HPSE2: variants seen among roughly 807,000 people sequenced by gnomAD.
HPSE2 encodes heparanase 2 (inactive), also known as inactive heparanase-2.
In HPSE2, 38 loss-of-function variants were observed where a neutral mutation model predicts 60.5. The observed-to-expected ratio is 0.63, with a 90% CI of 0.48 to 0.82. The LOEUF is 0.82. Among genes scored for constraint, HPSE2 ranks in the 40% least tolerant of loss-of-function variants. The pLI is 0.00. For missense variants in HPSE2, 713 were observed against 740.4 expected (o/e 0.96, Z 0.43); for synonymous variants, 295 against 293.2 (o/e 1.01, Z -0.06).
chr10:99,002,671 G>A (rs937360971), intron 3 of HPSE2, among the ~76,000 whole-genome samples: 1 of 151,952 alleles, frequency 6.6e-6, no homozygotes, highest in African/African-American at 2.4e-5. Flanking sequence ...ATGAGATCCT[G>A]AACAGAAAAT....
rs745736552 is a variant in HPSE2 at position 98,626,117 on chromosome 10, AGAAAAAG to A, written c.1099-5416_1099-5410del. 9.8e-4 allele frequency among the ~76,000 whole-genome samples: 143 copies of A among 145,780 alleles called. 9 individuals are homozygous for A. The highest frequency in any genetic ancestry group is 2.1e-3 in the African/African-American group (80 of 38,902). ...CGAGACTCCGTCTCAAAAAAAAAAA[AGAAAAAG>A]AAAAAAGAAAAAAGATGAATAAAAA... On this transcript the variant is annotated intron_variant, in intron 7 of 11. Coordinates refer to ENST00000370552, the MANE Select transcript of HPSE2 (RefSeq NM_021828.5).
chr10:98,641,607 A>C (rs1946638779), intron 7 of HPSE2, among the ~76,000 whole-genome samples: 1 of 152,160 alleles, frequency 6.6e-6, no homozygotes, highest in African/African-American at 2.4e-5. Flanking sequence ...TAATTAAAAA[A>C]AAAATAGAGA....
intron 4 of HPSE2, among the ~76,000 whole-genome samples, chr10:98,724,308 G>A (rs1179985680): frequency 6.6e-6 from 1 of 152,120 alleles, no homozygotes; most frequent in Non-Finnish European, 1.5e-5. Context: ...GTTCTAGTTT[G>A]ATTGCACTGT....
chr10:98,945,207 A>G (rs1471834890), intron 3 of HPSE2, among the ~76,000 whole-genome samples: 1 of 152,172 alleles, frequency 6.6e-6, no homozygotes, highest in Non-Finnish European at 1.5e-5. Flanking sequence ...ATTTCTTCTT[A>G]GTGAACCTAA....
intron 3 of HPSE2, among the ~76,000 whole-genome samples, chr10:98,751,035 C>A (rs1367235800): frequency 6.6e-6 from 1 of 152,084 alleles, no homozygotes; most frequent in African/African-American, 2.4e-5. Flanking sequence ...GCTCTTCCCC[C>A]TCCTCCCCTT....
chr10:98,510,632 G>C (rs1317887323), intron 9 of HPSE2, among the ~76,000 whole-genome samples: 6 of 152,178 alleles, frequency 3.9e-5, no homozygotes, highest in African/African-American at 1.4e-4. Context: ...CTGCGTTGTG[G>C]CCCTGGACTC....
chr10:98,733,393 A>T lies in HPSE2; in HGVS notation c.784+10490T>A, dbSNP rs549793655. On this transcript the variant is annotated intron_variant, in intron 4 of 11. Transcript: ENST00000370552. ...CACCTTGGCCTCTCAAAGTGCTGGG[A>T]TTACAGGCATTAGCCACCATGACTG... 4.6e-5 allele frequency among the ~76,000 whole-genome samples: 7 copies of T among 152,276 alleles called. No individual in the cohort carries two copies. In the South Asian group the frequency reaches 1.2e-3, roughly 27 times the overall value.
intron 6 of HPSE2, among the ~76,000 whole-genome samples, chr10:98,675,284 T>C (rs905515831): frequency 6.6e-6 from 1 of 152,162 alleles, no homozygotes; most frequent in African/African-American, 2.4e-5. Flanking sequence ...CACTCTATTT[T>C]ACAAATGTAA....
the HPSE2 span, among the ~76,000 whole-genome samples, chr10:99,276,354 T>C: frequency 1.3e-5 from 2 of 152,136 alleles, no homozygotes; most frequent in African/African-American, 2.4e-5. Context: ...GAAAACTCTA[T>C]AGAAAAGTAA....
At chr10:99,169,886 C>T (rs1589767010) in intron 2 of HPSE2, among the ~76,000 whole-genome samples, 1 of 152,158 alleles carries the variant, frequency 6.6e-6, no homozygotes, top group South Asian at 2.1e-4. Context: ...CTACTCAACT[C>T]TGTGGCTGGG....
chr10:98,926,426 C>A (rs1340929999), intron 3 of HPSE2, among the ~76,000 whole-genome samples: 1 of 152,096 alleles, frequency 6.6e-6, no homozygotes, highest in Admixed American at 6.5e-5. Flanking sequence ...TAGGATTACC[C>A]ACTCTTGGAA....
At chr10:98,839,404 T>A (rs2134685091) in intron 3 of HPSE2, among the ~76,000 whole-genome samples, 1 of 152,314 alleles carries the variant, frequency 6.6e-6, no homozygotes, top group Non-Finnish European at 1.5e-5. Context: ...GAAAGGTGAA[T>A]AATACTTTTG....
chr10:98,457,787 G>C lies in HPSE2; in HGVS notation c.*1787C>G, dbSNP rs549827625. ...GGGAGGTGCCTGGTCCCAGAGAAAC[G>C]GGTCCCTTCTGGGCAGCCTTGCAGG... On this transcript the variant is annotated 3_prime_UTR_variant, in exon 12 of 12. Coordinates refer to ENST00000370552, the MANE Select transcript of HPSE2 (RefSeq NM_021828.5). The C allele has an allele frequency of 1.3e-5, 2 of 151,296 alleles. No individual in the cohort carries two copies. The highest frequency in any genetic ancestry group is 1.5e-5 in the Non-Finnish European group (1 of 67,982). The allele number at this position is 151,296 out of a possible 1,614,324, so 9.4% of individuals were successfully genotyped here. A position where few individuals can be genotyped will look rare whatever the true frequency, so the allele number is the denominator to read the frequency against.
intron 3 of HPSE2, among the ~76,000 whole-genome samples, chr10:98,824,215 A>G (rs531424180): frequency 0.05 from 7,625 of 152,224 alleles, 592 homozygotes; most frequent in African/African-American, 0.17. Flanking sequence ...AGTCAATAAG[A>G]AGATAAACAA....
At chr10:98,624,648 T>C (rs1462281606) in intron 7 of HPSE2, among the ~76,000 whole-genome samples, 1 of 152,194 alleles carries the variant, frequency 6.6e-6, no homozygotes, top group Non-Finnish European at 1.5e-5. Context: ...ATCATTTTAA[T>C]TGTAAAATGA....
At chr10:98,751,868 T>C (rs147323827) in intron 3 of HPSE2, among the ~76,000 whole-genome samples, 21 of 152,330 alleles carry the variant, frequency 1.4e-4, no homozygotes, top group Non-Finnish European at 1.9e-4. Flanking sequence ...TGAGTTGTGA[T>C]AGAACTCAAG....
Position 98,728,241 on chromosome 10 carries a change from A to G in HPSE2, c.785-6413T>C, listed in dbSNP as rs144902736. 3.7e-3 allele frequency among the ~76,000 whole-genome samples: 560 copies of G among 152,302 alleles called. 4 individuals are homozygous for G. Among genetic ancestry groups the G allele is most frequent in the African/African-American group, 0.013 (540 of 41,582 alleles). On this transcript the variant is annotated intron_variant, in intron 4 of 11. Transcript: ENST00000370552. ...ACACAACTCTATTGTTGGGCTTATA[A>G]AATATAAAGATATAATATTTAGAAT...
intron 3 of HPSE2, among the ~76,000 whole-genome samples, 194 bp downstream of exon 3, chr10:99,144,044 A>G (rs543830676): frequency 6.6e-6 from 1 of 152,370 alleles, no homozygotes; most frequent in South Asian, 2.1e-4. Context: ...TGTTTTGAGA[A>G]GAAAACACAT....
chr10:98,577,446 G>T (rs541242474), intron 9 of HPSE2, among the ~76,000 whole-genome samples: 1 of 152,140 alleles, frequency 6.6e-6, no homozygotes, highest in South Asian at 2.1e-4. Context: ...ATTGCTCTGT[G>T]GTATTCACTA....
Sources: gnomAD v4.1 joint callset for allele counts (sites outside exome capture counted in the v4.1 genomes callset) on GRCh38, gnomAD v4.1.1 for gene constraint, MANE v1.5 for transcripts, NCBI Gene and HGNC (gene_info 2026-07-23, HGNC 2026-07-21) for gene names.